COL15A1: variants seen among roughly 807,000 people sequenced by gnomAD.
The protein encoded by COL15A1 is collagen type XV alpha 1 chain, also known as collagen alpha-1(XV) chain.
Under a neutral mutation model 165.9 loss-of-function variants are expected in COL15A1, and 111 were observed. The ratio of observed to expected loss-of-function variants is 0.67; its 90% confidence interval spans 0.57 to 0.78. The LOEUF (loss-of-function observed/expected upper bound fraction) is 0.78. Ranked by LOEUF, COL15A1 falls within the 30% of genes least tolerant of loss-of-function variation. The pLI is 0.00. For synonymous variants in COL15A1, 659 were observed against 674.8 expected (o/e 0.98, Z 0.36); for missense variants, 1,745 against 1,789.7 (o/e 0.98, Z 0.45).
chr9:98,985,320 T>A (rs999274274), intron 2 of COL15A1, among the ~76,000 whole-genome samples: 28 of 152,204 alleles, frequency 1.8e-4, no homozygotes, highest in Non-Finnish European at 1.3e-4. Flanking sequence ...TATTAAATCA[T>A]GTTCTATGAA....
At chr9:99,020,217 G>A (rs1199598829) in intron 11 of COL15A1, among the ~76,000 whole-genome samples, 172 bp from the exon 12 acceptor site, 3 of 152,180 alleles carry the variant, frequency 2.0e-5, no homozygotes, top group Admixed American at 6.5e-5. Flanking sequence ...TGCAGGGGAT[G>A]GTGCAGTGAT....
chr9:98,986,987 A>T (rs1301027814), intron 3 of COL15A1, among the ~76,000 whole-genome samples: 1 of 152,080 alleles, frequency 6.6e-6, no homozygotes, highest in Non-Finnish European at 1.5e-5. Flanking sequence ...TGTGCGTTTC[A>T]GGGCCTGCCG....
At chr9:99,047,056 G>A (rs1305779050) in intron 26 of COL15A1, among the ~76,000 whole-genome samples, 1 of 152,196 alleles carries the variant, frequency 6.6e-6, no homozygotes, top group African/African-American at 2.4e-5. Context: ...CCAGCTACAG[G>A]GTTGGAAAGG....
At chr9:99,018,755 G>C (rs982801760) in intron 11 of COL15A1, among the ~76,000 whole-genome samples, 1 of 152,206 alleles carries the variant, frequency 6.6e-6, no homozygotes, top group African/African-American at 2.4e-5. Context: ...AGTGAAAGAA[G>C]CTGGTTGTAA....
intron 24 of COL15A1, 35 bp downstream of exon 24, chr9:99,042,142 C>T (rs373507003): frequency 7.6e-5 from 114 of 1,494,672 alleles, no homozygotes; most frequent in African/African-American, 3.2e-4. Flanking sequence ...TGAGATTGGG[C>T]GCTGGAATTT....
chr9:99,018,601 A>G (rs906228205), intron 11 of COL15A1, among the ~76,000 whole-genome samples: 1 of 152,218 alleles, frequency 6.6e-6, no homozygotes, highest in Non-Finnish European at 1.5e-5. Flanking sequence ...CATAATAGAG[A>G]AAAATTGGGC....
At chr9:99,054,711 A>C (rs1302508349) in intron 32 of COL15A1, 55 bp downstream of exon 32, 1 of 1,558,748 alleles carries the variant, frequency 6.4e-7, no homozygotes, top group Non-Finnish European at 8.7e-7. Flanking sequence ...CTGAGAACAA[A>C]TGCGACTGAG....
intron 39 of COL15A1, among the ~76,000 whole-genome samples, chr9:99,066,597 C>CTTTTTTT (rs1825894667): frequency 3.1e-5 from 2 of 65,116 alleles, no homozygotes; most frequent in Admixed American, 1.5e-4. Flanking sequence ...ATATTTTGTT[C>CTTTTTTT]TGTTTTTTTT....
intron 6 of COL15A1, among the ~76,000 whole-genome samples, chr9:98,998,343 T>C (rs1838584871): frequency 6.6e-6 from 1 of 152,194 alleles, no homozygotes; most frequent in African/African-American, 2.4e-5. Flanking sequence ...CAACTAAATT[T>C]GGGGAGTCTG....
rs535173191 is a variant in COL15A1, at chr9:99,036,194, C to T, written c.2314C>T (p.Arg772Trp). ...AIGLKGEKGDRGPKGERGMDG... is the reference protein window; with the variant it reads ...AIGLKGEKGDWGPKGERGMDG... The stretch of plus-strand genomic sequence containing the variant: ...GGGTCTCAAAGGAGAGAAAGGAGAC[C>T]GGGGACCCAAGGTGAGGTCACAGAG... The change falls in exon 20 of 42, where the codon CGG becomes TGG. Residue 772 changes from arginine to tryptophan, a missense_variant. Transcript: ENST00000375001. The T allele has an allele frequency of 4.7e-5, 75 of 1,593,132 alleles. No individual in the cohort carries two copies. In the Middle Eastern group the frequency reaches 5.0e-4, roughly 11 times the overall value.
chr9:98,974,417 G>A (rs113017769), intron 2 of COL15A1, among the ~76,000 whole-genome samples: 48 of 152,288 alleles, frequency 3.2e-4, no homozygotes, highest in African/African-American at 1.1e-3. Flanking sequence ...CTCTCTGTAG[G>A]GGTGTCCAAA....
At chr9:98,977,140 T>C (rs887265662) in intron 2 of COL15A1, among the ~76,000 whole-genome samples, 1 of 152,176 alleles carries the variant, frequency 6.6e-6, no homozygotes, top group Non-Finnish European at 1.5e-5. Flanking sequence ...TTTAGGTATA[T>C]TATTTTATTT....
chr9:99,066,730 T>TA, intron 39 of COL15A1, 152 bp from the exon 40 acceptor site: 1 of 653,454 alleles, frequency 1.5e-6, no homozygotes, highest in Non-Finnish European at 2.6e-6. Context: ...GCAGAGACTG[T>TA]AATTCCAATG....
At chr9:99,058,972 CG>C (rs1366218832) in intron 35 of COL15A1, among the ~76,000 whole-genome samples, 2 of 152,016 alleles carry the variant, frequency 1.3e-5, no homozygotes, top group African/African-American at 4.8e-5. Context: ...GAGGAGTTGT[CG>C]GGGGTAGGGT....
At chr9:99,067,783 C>A (rs1825918521) in intron 40 of COL15A1, among the ~76,000 whole-genome samples, 1 of 152,208 alleles carries the variant, frequency 6.6e-6, no homozygotes, top group African/African-American at 2.4e-5. Flanking sequence ...TGTTCCAGCA[C>A]CTTCACCCAC....
At chr9:98,958,692 G>C (rs1837817198) in intron 2 of COL15A1, among the ~76,000 whole-genome samples, 1 of 152,096 alleles carries the variant, frequency 6.6e-6, no homozygotes, top group Non-Finnish European at 1.5e-5. Flanking sequence ...ATATTTGCAA[G>C]TGTGGGCTGA....
chr9:99,035,124 C>G lies in COL15A1; in HGVS notation c.2190C>G (p.Gly730=). The G allele has an allele frequency of 6.3e-7, 1 of 1,599,756 alleles. No individual in the cohort carries two copies. Among genetic ancestry groups the G allele is most frequent in the Non-Finnish European group, 8.5e-7 (1 of 1,175,236 alleles). ...CTCCTGGACCCCCTGGGCCCCCAGG[C>G]CCTGGATGCACAATGGGACTTGGAT... The part of the protein sequence containing the change: ...PGPPGPPGPP[G]PGCTMGLGFE... The change falls in exon 18 of 42, where the codon GGC becomes GGG. Residue 730 remains glycine, a synonymous_variant. Transcript: ENST00000375001.
intron 14 of COL15A1, among the ~76,000 whole-genome samples, chr9:99,023,816 T>G (rs1317624654): frequency 6.6e-6 from 1 of 152,148 alleles, no homozygotes; most frequent in African/African-American, 2.4e-5. Context: ...CCCTATTCAT[T>G]AAAGAGACCT....
At position 99,060,675 on chromosome 9, in the gene COL15A1, TAGG is replaced by T. The variant is rs368878789; in HGVS notation, c.3402+725_3402+727del. Among the ~76,000 whole-genome samples, 46 of 152,200 alleles carry T rather than the reference TAGG, an allele frequency of 3.0e-4. No homozygotes were observed. In the South Asian group the frequency reaches 9.5e-3, roughly 32 times the overall value. On this transcript the variant is annotated intron_variant, in intron 36 of 41. Coordinates refer to ENST00000375001, the MANE Select transcript of COL15A1 (RefSeq NM_001855.5). ...CTGAAGCAGGAGAATCACTTGAGTCTAGGAGTTCAAGACTAGCCTGGGCAACAT... is the reference window on the plus strand; with the variant it reads ...CTGAAGCAGGAGAATCACTTGAGTCTAGTTCAAGACTAGCCTGGGCAACAT...
Sources: allele counts gnomAD v4.1 joint callset (sites outside exome capture counted in the v4.1 genomes callset), GRCh38; gene constraint gnomAD v4.1.1; transcripts MANE v1.5; gene names NCBI Gene and HGNC (gene_info 2026-07-23, HGNC 2026-07-21).